The following TNRC6B variants were observed in gnomAD, a reference collection of about 807,000 sequenced individuals.
TNRC6B encodes the protein trinucleotide repeat containing adaptor 6B.
Under a neutral mutation model 203.6 loss-of-function variants are expected in TNRC6B, and 52 were observed. That is an observed-to-expected ratio of 0.26 (90% CI 0.20 to 0.32). The LOEUF (loss-of-function observed/expected upper bound fraction) is 0.32, where lower values mean the gene tolerates loss of function less well. Among genes scored for constraint, TNRC6B ranks in the 10% least tolerant of loss-of-function variants. TNRC6B has a pLI of 1.00. For missense variants in TNRC6B, 1,923 were observed against 2,286.2 expected (o/e 0.84, Z 3.24); for synonymous variants, 838 against 845.7 (o/e 0.99, Z 0.16).
At chr22:40,227,408 C>T (rs1200887397) in intron 1 of TNRC6B, among the ~76,000 whole-genome samples, 1 of 142,494 alleles carries the variant, frequency 7.0e-6, no homozygotes, top group Non-Finnish European at 1.5e-5. Context: ...CTCTGTTGCC[C>T]AGGCTGGAGT....
intron 1 of TNRC6B, among the ~76,000 whole-genome samples, chr22:40,193,279 G>A (rs1337262637): frequency 5.3e-5 from 8 of 152,164 alleles, no homozygotes. Context: ...CGTCACCCCA[G>A]GACTTGCACA....
chr22:40,094,659 A>G (rs2068174009), intron 1 of TNRC6B, among the ~76,000 whole-genome samples: 1 of 152,224 alleles, frequency 6.6e-6, no homozygotes, highest in African/African-American at 2.4e-5. Context: ...AGTTGGCTTA[A>G]GATTTCCCAG....
chr22:40,058,766 A>G (rs2067822868), intron 1 of TNRC6B, among the ~76,000 whole-genome samples: 1 of 152,038 alleles, frequency 6.6e-6, no homozygotes, highest in Non-Finnish European at 1.5e-5. Context: ...TGAAATTCTG[A>G]CACATTGAAT....
intron 1 of TNRC6B, among the ~76,000 whole-genome samples, chr22:40,197,289 T>G (rs959820083): frequency 9.3e-6 from 1 of 107,538 alleles, no homozygotes; most frequent in East Asian, 2.7e-4. Flanking sequence ...GTTTTTCTTG[T>G]TTTTTTTTGA....
At chr22:40,090,931 A>G (rs185518993) in intron 1 of TNRC6B, among the ~76,000 whole-genome samples, 1 of 152,224 alleles carries the variant, frequency 6.6e-6, no homozygotes, top group Non-Finnish European at 1.5e-5. Context: ...CAAAGAACAT[A>G]CAAGAGAAGA....
rs573367365 is a variant in TNRC6B, at chr22:40,268,549, A to G, written c.2806+1513A>G. 2.0e-5 allele frequency among the ~76,000 whole-genome samples: 3 copies of G among 152,306 alleles called. No homozygotes were observed. The South Asian group carries it at 6.2e-4, about 32-fold the overall frequency. On this transcript the variant is annotated intron_variant, in intron 5 of 22. Transcript: ENST00000454349. ...TCCCCATGCAGAATAAAACCTGCTA[A>G]AATTTTAAAAAGCTACATCCACATA...
chr22:40,288,126 G>T (rs1356644605), intron 12 of TNRC6B, among the ~76,000 whole-genome samples: 1 of 152,270 alleles, frequency 6.6e-6, no homozygotes, highest in African/African-American at 2.4e-5. Flanking sequence ...GAATAGAAAA[G>T]AAAGGAACTA....
Position 40,323,042 on chromosome 22 carries a change from G to A in TNRC6B, c.5303G>A (p.Gly1768Glu), listed in dbSNP as rs2071357670. The change falls in exon 23 of 23, where the codon GGG becomes GAG. Residue 1768 changes from glycine to glutamate, a missense_variant. By Grantham distance (98) the Gly-to-Glu change is moderately conservative. Transcript: ENST00000454349. ...PVGPALNLFGGSTGLGQWSSS... is the reference protein window; with the variant it reads ...PVGPALNLFGESTGLGQWSSS... The stretch of plus-strand genomic sequence containing the variant: ...GGACCTGCTCTGAATCTTTTTGGTG[G>A]GTCCACTGGGCTCGGGCAGTGGAGC... 3.1e-6 allele frequency: 5 copies of A among 1,601,260 alleles called. No individual in the cohort carries two copies. Among genetic ancestry groups the A allele is most frequent in the Non-Finnish European group, 4.3e-6 (5 of 1,173,406 alleles).
intron 1 of TNRC6B, among the ~76,000 whole-genome samples, chr22:40,241,337 C>T (rs563047098): frequency 1.3e-5 from 2 of 152,290 alleles, no homozygotes; most frequent in South Asian, 4.1e-4. Flanking sequence ...AATTAACACA[C>T]CGATTCATGA....
At chr22:40,105,585 T>C (rs565463329) in intron 1 of TNRC6B, among the ~76,000 whole-genome samples, 297 of 152,330 alleles carry the variant, frequency 1.9e-3, no homozygotes, top group Non-Finnish European at 3.4e-3. Context: ...CTCGTCCTTA[T>C]GTTTGCGAGA....
intron 1 of TNRC6B, among the ~76,000 whole-genome samples, chr22:40,240,000 T>C (rs1414301956): frequency 6.6e-6 from 1 of 151,900 alleles, no homozygotes; most frequent in Non-Finnish European, 1.5e-5. Flanking sequence ...CCAGCTAATT[T>C]TTTTGTATTT....
intron 3 of TNRC6B, among the ~76,000 whole-genome samples, chr22:40,150,412 A>G (rs181791883): frequency 6.6e-6 from 1 of 152,300 alleles, no homozygotes; most frequent in African/African-American, 2.4e-5. Context: ...TGATTTCAGC[A>G]AGCATAAATC....
intron 1 of TNRC6B, among the ~76,000 whole-genome samples, chr22:40,079,995 C>T (rs1343787667): frequency 1.3e-5 from 2 of 151,806 alleles, no homozygotes; most frequent in African/African-American, 4.8e-5. Flanking sequence ...TGGGGTTTCA[C>T]TGTGTTAGCC....
In TNRC6B at chr22:40,148,267, C is replaced by T. The variant is rs74278055; in HGVS notation, c.46-7848C>T. On this transcript the variant is annotated intron_variant, in intron 3 of 23. Transcript: ENST00000301923. ...AAGGAAGGTAAAATGGCTACAACCA[C>T]GTTGGAAAACAGTTTCTTTTTTTTT... Among the ~76,000 whole-genome samples the T allele has an allele frequency of 1.8e-4, 27 of 150,676 alleles. No individual in the cohort carries two copies. The East Asian group carries it at 3.3e-3, about 18-fold the overall frequency.
At chr22:40,201,521 G>A (rs1230425431) in intron 1 of TNRC6B, among the ~76,000 whole-genome samples, 6 of 150,924 alleles carry the variant, frequency 4.0e-5, no homozygotes, top group South Asian at 4.2e-4. Context: ...CTGCAGCCTC[G>A]ACCTCCTGGA....
Position 40,323,211 on chromosome 22 carries a change from CCTT to C in TNRC6B, c.5475_5477del (p.Leu1826del). ...GCCCTGCTCCTTTACTACCTGGTGA[CCTT>C]CTGGGAGGAGGGTCGGATTCAATCT... On this transcript the variant is annotated inframe_deletion, in exon 23 of 23. Coordinates refer to ENST00000454349, the MANE Select transcript of TNRC6B (RefSeq NM_001162501.2). 6.2e-7 allele frequency: 1 copy of C among 1,613,122 alleles called. No individual in the cohort carries two copies. The highest frequency in any genetic ancestry group is 8.5e-7 in the Non-Finnish European group (1 of 1,179,840).
At chr22:40,145,489 G>A (rs2068686251) in intron 3 of TNRC6B, among the ~76,000 whole-genome samples, 1 of 152,082 alleles carries the variant, frequency 6.6e-6, no homozygotes, top group Non-Finnish European at 1.5e-5. Context: ...TAGAGGGTGT[G>A]GTTGGAGATA....
intron 3 of TNRC6B, among the ~76,000 whole-genome samples, chr22:40,129,579 T>G (rs1160110218): frequency 6.6e-6 from 1 of 152,164 alleles, no homozygotes; most frequent in Non-Finnish European, 1.5e-5. Context: ...ACTCAGTAAC[T>G]TCAGATGCTG....
At chr22:40,065,472 T>C (rs1394674367) in intron 1 of TNRC6B, among the ~76,000 whole-genome samples, 2 of 152,202 alleles carry the variant, frequency 1.3e-5, no homozygotes, top group Non-Finnish European at 2.9e-5. Flanking sequence ...TTTTTTATTA[T>C]GAATTTAGTT....
Sources: gnomAD v4.1 joint callset for allele counts (sites outside exome capture counted in the v4.1 genomes callset) on GRCh38, gnomAD v4.1.1 for gene constraint, MANE v1.5 for transcripts, NCBI Gene and HGNC (gene_info 2026-07-23, HGNC 2026-07-21) for gene names.